Variants in TMEM44 observed in about 807,000 individuals in gnomAD.
TMEM44 encodes the protein transmembrane protein 44.
Under a neutral mutation model 47.8 loss-of-function variants are expected in TMEM44, and 43 were observed. That is an observed-to-expected ratio of 0.90 (90% CI 0.70 to 1.16). The LOEUF (loss-of-function observed/expected upper bound fraction) is 1.16. Ranked by LOEUF, TMEM44 falls within the 50% of genes most tolerant of loss-of-function variation. TMEM44 has a pLI of 0.00. For missense variants in TMEM44, 568 were observed against 555.2 expected (o/e 1.02, Z -0.23); for synonymous variants, 277 against 238.8 (o/e 1.16, Z -1.48).
chr3:194,591,419 C>G lies in TMEM44; in HGVS notation c.1177-2780G>C, dbSNP rs187751063. Among the ~76,000 whole-genome samples, 1,199 of 151,082 alleles carry G rather than the reference C, an allele frequency of 7.9e-3. 11 individuals are homozygous for G. The highest frequency in any genetic ancestry group is 0.026 in the African/African-American group (1,039 of 40,660). Reference sequence around the variant, plus strand: ...TGAAGCAGGAGAATCGTTTGAACCCCGGAGGCGGAGGTTGCAGTGAGCCGA... The same window carrying G: ...TGAAGCAGGAGAATCGTTTGAACCCGGGAGGCGGAGGTTGCAGTGAGCCGA... On this transcript the variant is annotated intron_variant, in intron 9 of 9. Transcript: ENST00000347147.
intron 5 of TMEM44, chr3:194,617,659 G>A (rs545687779): frequency 4.3e-5 from 30 of 704,046 alleles, no homozygotes; most frequent in Middle Eastern, 4.6e-4. Context: ...AGCACCTGAC[G>A]CTGGGCAGCG....
chr3:194,626,327 G>A (rs1577225420), intron 2 of TMEM44, among the ~76,000 whole-genome samples: 1 of 152,184 alleles, frequency 6.6e-6, no homozygotes, highest in Admixed American at 6.6e-5. Context: ...CTTCTCTGGC[G>A]CTCAGTTTCC....
intron 2 of TMEM44, among the ~76,000 whole-genome samples, chr3:194,628,063 T>C (rs1191446518): frequency 2.7e-4 from 41 of 152,270 alleles, no homozygotes. Context: ...TCCACCAGTG[T>C]TCTGGATTCC....
intron 9 of TMEM44, among the ~76,000 whole-genome samples, chr3:194,595,146 A>G (rs549870918): frequency 1.7e-3 from 265 of 152,350 alleles, no homozygotes; most frequent in Non-Finnish European, 2.4e-3. Flanking sequence ...ATGCCTCTGA[A>G]ACATGTATGT....
intron 1 of TMEM44, among the ~76,000 whole-genome samples, chr3:194,630,516 A>C (rs56873690): frequency 7.1e-4 from 12 of 17,018 alleles, no homozygotes; most frequent in South Asian, 6.3e-3. Flanking sequence ...ACCTGCCTCC[A>C]GAAGGGGCTG....
chr3:194,587,958 T>A lies in TMEM44; in HGVS notation c.*571A>T, dbSNP rs1712055788. On this transcript the variant is annotated 3_prime_UTR_variant, in exon 10 of 10. Transcript: ENST00000347147. ...GTTTGCTTTGTTTTTGCAGTGTCAGTGATCTCACAAGCACTTGGTTGGCCA... is the reference window on the plus strand; with the variant it reads ...GTTTGCTTTGTTTTTGCAGTGTCAGAGATCTCACAAGCACTTGGTTGGCCA... The A allele has an allele frequency of 6.6e-6, 1 of 152,616 alleles. No individual in the cohort carries two copies. The highest frequency in any genetic ancestry group is 2.4e-5 in the African/African-American group (1 of 41,464). The allele number at this position is 152,616 out of a possible 1,614,324, so 9.5% of individuals were successfully genotyped here. A position where few individuals can be genotyped will look rare whatever the true frequency, so the allele number is the denominator to read the frequency against.
chr3:194,589,329 A>G (rs1222558173), intron 9 of TMEM44: 1 of 152,148 alleles, frequency 6.6e-6, no homozygotes, highest in African/African-American at 2.4e-5. Context: ...CCAGGTAAAT[A>G]CCTCTTCCCC....
At chr3:194,619,562 T>G (rs1716301428) in intron 5 of TMEM44, among the ~76,000 whole-genome samples, 1 of 152,174 alleles carries the variant, frequency 6.6e-6, no homozygotes, top group African/African-American at 2.4e-5. Flanking sequence ...CCTGTCCCAT[T>G]CGAGGACTCA....
At chr3:194,609,411 G>T (rs1715085465) in intron 8 of TMEM44, among the ~76,000 whole-genome samples, 1 of 152,162 alleles carries the variant, frequency 6.6e-6, no homozygotes, top group African/African-American at 2.4e-5. Flanking sequence ...GAGGCCGAGG[G>T]GAAAGAAGAG....
chr3:194,607,753 T>C (rs1714926299), intron 8 of TMEM44, among the ~76,000 whole-genome samples: 1 of 152,228 alleles, frequency 6.6e-6, no homozygotes, highest in South Asian at 2.1e-4. Context: ...TGCTGTTGTT[T>C]ACTCAGAGCC....
chr3:194,612,097 C>T (rs968691681), intron 7 of TMEM44, among the ~76,000 whole-genome samples: 14 of 152,032 alleles, frequency 9.2e-5, no homozygotes, highest in South Asian at 2.1e-4. Context: ...GTTTCAGATT[C>T]GGGAGATCTG....
At chr3:194,628,901 C>T (rs1262014835) in intron 1 of TMEM44, among the ~76,000 whole-genome samples, 2 of 152,192 alleles carry the variant, frequency 1.3e-5, no homozygotes, top group Admixed American at 6.5e-5. Context: ...TGGTGGCTCA[C>T]ACCTGTAATC....
intron 5 of TMEM44, among the ~76,000 whole-genome samples, chr3:194,621,294 G>A (rs1716510150): frequency 6.6e-6 from 1 of 152,218 alleles, no homozygotes; most frequent in Admixed American, 6.5e-5. Flanking sequence ...GGCGCCTGCA[G>A]AGGGAGCATG....
At chr3:194,597,520 TGTG>T (rs896677975) in intron 9 of TMEM44, among the ~76,000 whole-genome samples, 15 of 151,070 alleles carry the variant, frequency 9.9e-5, no homozygotes, top group African/African-American at 3.6e-4. Context: ...ATTAGCTGGG[TGTG>T]GTGGCAGGTG....
In TMEM44 at chr3:194,617,234, C is replaced by G. The variant is rs1203452374; in HGVS notation, c.648G>C (p.Trp216Cys). 2 of 1,549,812 alleles carry G rather than the reference C, an allele frequency of 1.3e-6. No individual in the cohort carries two copies. Among genetic ancestry groups the G allele is most frequent in the Non-Finnish European group, 1.7e-6 (2 of 1,146,426 alleles). ...CAGCCAGGGCCGACAGGAGCCGGGT[C>G]CACAGGTGGATGGAGGGAAATGTCT... ...RGKTFPSIHL[W>C]TRLLSALAGL... The change falls in exon 6 of 10, where the codon TGG (tryptophan) becomes TGC (cysteine). Residue 216 changes from tryptophan (W) to cysteine (C), a missense_variant. By Grantham distance (215) the Trp-to-Cys change is radical (BLOSUM62 -2). Coordinates refer to ENST00000347147, the MANE Select transcript of TMEM44 (RefSeq NM_001011655.3).
chr3:194,628,648 G>T (rs1216231875), intron 1 of TMEM44, 139 bp from the exon 2 acceptor site: 1 of 1,061,058 alleles, frequency 9.4e-7, no homozygotes, highest in Non-Finnish European at 1.3e-6. Context: ...TTTTTGAACT[G>T]AGTTTACAGA....
At chr3:194,622,614 A>C (rs936597920) in intron 5 of TMEM44, 4 of 150,604 alleles carry the variant, frequency 2.7e-5, no homozygotes, top group Admixed American at 6.6e-5. Context: ...CAGTGGCACA[A>C]TCTCGGCTCA....
chr3:194,604,368 C>A lies in TMEM44; in HGVS notation c.1095G>T (p.Ser365=). The change falls in exon 9 of 10, where the codon TCG becomes TCT. Residue 365 remains serine, a synonymous_variant. Transcript: ENST00000347147. Reference sequence around the variant, plus strand: ...CCCGGATGACCTGAACGGGAGGGTACGACGGGGGGTCCTGCAGGGACGCAT... The same window carrying A: ...CCCGGATGACCTGAACGGGAGGGTAAGACGGGGGGTCCTGCAGGGACGCAT... The part of the protein sequence containing the change: ...AGDASLQDPP[S]YPPVQVIRAR... 1 of 1,562,302 alleles carries A rather than the reference C, an allele frequency of 6.4e-7. No individual in the cohort carries two copies. Among genetic ancestry groups the A allele is most frequent in the Non-Finnish European group, 8.7e-7 (1 of 1,153,424 alleles).
At chr3:194,602,709 G>A (rs377442513) in intron 9 of TMEM44, among the ~76,000 whole-genome samples, 1 of 152,202 alleles carries the variant, frequency 6.6e-6, no homozygotes, top group African/African-American at 2.4e-5. Flanking sequence ...CCAGAGAAGA[G>A]TCCGTGGCCA....
Sources: allele counts gnomAD v4.1 joint callset (sites outside exome capture counted in the v4.1 genomes callset), GRCh38; gene constraint gnomAD v4.1.1; transcripts MANE v1.5; gene names NCBI Gene and HGNC (gene_info 2026-07-23, HGNC 2026-07-21).